PARVA: variants seen among roughly 807,000 people sequenced by gnomAD.
The protein encoded by PARVA is parvin alpha.
In PARVA, 25 loss-of-function variants were observed where a neutral mutation model predicts 52.6. That is an observed-to-expected ratio of 0.48 (90% CI 0.35 to 0.66). The LOEUF is 0.66. PARVA is among the 30% of genes least tolerant of loss of function. The pLI, the probability that PARVA is intolerant of heterozygous loss-of-function variation, is 0.01. For synonymous variants in PARVA, 185 were observed against 179.1 expected (o/e 1.03, Z -0.26); for missense variants, 373 against 450.9 (o/e 0.83, Z 1.56).
intron 12 of PARVA, among the ~76,000 whole-genome samples, chr11:12,524,079 G>A (rs1374548491): frequency 2.0e-5 from 3 of 152,204 alleles, no homozygotes; most frequent in Non-Finnish European, 4.4e-5. Flanking sequence ...AGTGGTGAAG[G>A]TGGTGAAGAA....
chr11:12,402,297 C>T (rs955930467), intron 1 of PARVA, among the ~76,000 whole-genome samples: 2 of 152,152 alleles, frequency 1.3e-5, no homozygotes, highest in African/African-American at 4.8e-5. Flanking sequence ...AGAGCAAAAC[C>T]ATAACTGCCA....
intron 1 of PARVA, among the ~76,000 whole-genome samples, chr11:12,393,044 G>GAAAAAAAAAAAAAAAAAAAAAAAAAAAAA (rs60966710): frequency 2.2e-5 from 1 of 46,166 alleles, no homozygotes; most frequent in African/African-American, 5.9e-5. Context: ...CCCAAATTGT[G>GAAAAAAAAAAAAAAAAAAAAAAAAAAAAA]AAAAAAAAAA....
chr11:12,475,178 C>T (rs1301881675), intron 3 of PARVA, among the ~76,000 whole-genome samples: 3 of 151,986 alleles, frequency 2.0e-5, no homozygotes, highest in Admixed American at 1.3e-4. Flanking sequence ...TCCCAGCAGC[C>T]GATGCGTGCT....
chr11:12,428,696 G>T (rs1940272618), intron 1 of PARVA, among the ~76,000 whole-genome samples: 1 of 152,188 alleles, frequency 6.6e-6, no homozygotes, highest in Non-Finnish European at 1.5e-5. Context: ...GGTCGAGATG[G>T]TAAGTTGGCC....
At chr11:12,387,639 T>C (rs971385322) in intron 1 of PARVA, among the ~76,000 whole-genome samples, 1 of 151,896 alleles carries the variant, frequency 6.6e-6, no homozygotes, top group African/African-American at 2.4e-5. Flanking sequence ...CGGGAAGACA[T>C]TGTCAGTTAA....
At chr11:12,425,131 A>C (rs1940211722) in intron 1 of PARVA, among the ~76,000 whole-genome samples, 1 of 152,164 alleles carries the variant, frequency 6.6e-6, no homozygotes, top group South Asian at 2.1e-4. Flanking sequence ...GAACAGTTCG[A>C]GATGTTCTGA....
Position 12,534,174 on chromosome 11 carries a change from AC to A in PARVA, c.*6250del, listed in dbSNP as rs1359200848. Among the ~76,000 whole-genome samples, 1 of 151,594 alleles carries A rather than the reference AC, an allele frequency of 6.6e-6. No individual in the cohort carries two copies. The highest frequency in any genetic ancestry group is 2.4e-5 in the African/African-American group (1 of 41,428). ...CAGAGCAAGACTGCGTCTCAAAAAA[AC>A]AAAACAAAACAAAACAAAAATCCAT... On this transcript the variant is annotated 3_prime_UTR_variant, in exon 13 of 13. Coordinates refer to ENST00000334956, the MANE Select transcript of PARVA (RefSeq NM_018222.5).
intron 1 of PARVA, chr11:12,398,148 C>A (rs79843269): frequency 6.6e-6 from 1 of 152,102 alleles, no homozygotes; most frequent in Non-Finnish European, 1.5e-5. Flanking sequence ...CAACTAGGAG[C>A]AGACACCCAA....
chr11:12,511,602 T>C (rs1589986653), intron 8 of PARVA, 69 bp downstream of exon 8: 2 of 1,526,522 alleles, frequency 1.3e-6, no homozygotes, highest in East Asian at 4.5e-5. Context: ...CCGCAGCAGC[T>C]GGGAGGAACA....
In PARVA at chr11:12,529,861, C is replaced by T. The variant is rs1228365034; in HGVS notation, c.*1936C>T. On this transcript the variant is annotated 3_prime_UTR_variant, in exon 13 of 13. Coordinates refer to ENST00000334956, the MANE Select transcript of PARVA (RefSeq NM_018222.5). ...TGTAAAAGAATACAATTCTTTTTTA[C>T]ATAATTAGTGAAATTTTATTTTTTA... 2 of 152,112 alleles carry T rather than the reference C, an allele frequency of 1.3e-5. No individual in the cohort carries two copies. Among genetic ancestry groups the T allele is most frequent in the Non-Finnish European group, 2.9e-5 (2 of 68,032 alleles). The allele number at this position is 152,112 out of a possible 1,614,324, so 9.4% of individuals were successfully genotyped here.
At chr11:12,410,677 T>C (rs1939980963) in intron 1 of PARVA, among the ~76,000 whole-genome samples, 1 of 152,226 alleles carries the variant, frequency 6.6e-6, no homozygotes, top group Non-Finnish European at 1.5e-5. Flanking sequence ...GCTGCCAGAA[T>C]GTTCATTCCC....
intron 12 of PARVA, among the ~76,000 whole-genome samples, chr11:12,525,720 G>C (rs1227895077): frequency 1.3e-5 from 2 of 152,070 alleles, no homozygotes; most frequent in East Asian, 3.9e-4. Context: ...CAGGGCCCCA[G>C]TTAGAGGCTC....
intron 1 of PARVA, among the ~76,000 whole-genome samples, chr11:12,453,230 T>G (rs1589963097): frequency 6.7e-6 from 1 of 150,060 alleles, no homozygotes; most frequent in East Asian, 2.0e-4. Context: ...CTATGGGGGG[T>G]AGGTGGGGGT....
At chr11:12,482,800 TATTC>T (rs1320679773) in intron 4 of PARVA, among the ~76,000 whole-genome samples, 1 of 152,174 alleles carries the variant, frequency 6.6e-6, no homozygotes, top group Non-Finnish European at 1.5e-5. Context: ...TCGTGAGACT[TATTC>T]ACTACCCCAT....
intron 1 of PARVA, among the ~76,000 whole-genome samples, chr11:12,451,613 A>T (rs532393425): frequency 6.6e-6 from 1 of 152,356 alleles, no homozygotes; most frequent in South Asian, 2.1e-4. Flanking sequence ...CTTTAATTAA[A>T]TTTCCTTTGC....
chr11:12,466,873 C>G (rs78872515), intron 1 of PARVA, among the ~76,000 whole-genome samples: 5 of 152,222 alleles, frequency 3.3e-5, no homozygotes, highest in East Asian at 1.9e-4. Flanking sequence ...TACTCTAGGT[C>G]TCTCGCCTTT....
At chr11:12,507,290 C>G (rs1389053708) in intron 6 of PARVA, among the ~76,000 whole-genome samples, 3 of 152,174 alleles carry the variant, frequency 2.0e-5, no homozygotes, top group Non-Finnish European at 4.4e-5. Flanking sequence ...GGGGAAGATG[C>G]ATTTGCTTGG....
chr11:12,496,699 G>A, intron 5 of PARVA, 101 bp downstream of exon 5: 1 of 1,182,696 alleles, frequency 8.5e-7, no homozygotes, highest in South Asian at 1.6e-5. Flanking sequence ...GGCTTCAGGG[G>A]AGGGGGTCAA....
intron 1 of PARVA, among the ~76,000 whole-genome samples, chr11:12,461,487 T>C (rs1346219): frequency 0.86 from 130,602 of 152,236 alleles, 56,774 homozygotes; most frequent in East Asian, 0.95. Context: ...GGGTATGGCA[T>C]GGCAAAGGAC....
Sources: allele counts gnomAD v4.1 joint callset (sites outside exome capture counted in the v4.1 genomes callset), GRCh38; gene constraint gnomAD v4.1.1; transcripts MANE v1.5; gene names NCBI Gene and HGNC (gene_info 2026-07-23, HGNC 2026-07-21).